The following MYO18A variants were observed in gnomAD, a reference collection of about 807,000 sequenced individuals.
MYO18A encodes myosin XVIIIA.
In MYO18A, 78 loss-of-function variants were observed where a neutral mutation model predicts 235.8. The observed-to-expected ratio is 0.33, with a 90% CI of 0.28 to 0.40. The LOEUF (loss-of-function observed/expected upper bound fraction) is 0.40. MYO18A is among the 10% of genes least tolerant of loss of function. The pLI is 1.00. For synonymous variants in MYO18A, 977 were observed against 1,077.8 expected, an observed-to-expected ratio of 0.91 and a Z score of 1.83; for missense variants, 2,215 against 2,699.3, an observed-to-expected ratio of 0.82 and a Z score of 3.98.
intron 2 of MYO18A, 63 bp downstream of exon 2, chr17:29,165,879 T>C: frequency 6.8e-7 from 1 of 1,478,222 alleles, no homozygotes; most frequent in East Asian, 2.3e-5. Context: ...GATTACCCAG[T>C]CAAGCAGGAG....
chr17:29,166,714 A>G lies in MYO18A; in HGVS notation c.227T>C (p.Leu76Pro). 3.1e-6 allele frequency: 5 copies of G among 1,613,876 alleles called. No individual in the cohort carries two copies. The highest frequency in any genetic ancestry group is 4.2e-6 in the Non-Finnish European group (5 of 1,179,892). ...ATCGGAGTCAATGTCAGTCAGGTGC[A>G]GGTCAGAGCCGCTGGCCACCTTGAT... Reference protein sequence around the residue: ...IPIKVASGSDLHLTDIDSDSN... With the variant: ...IPIKVASGSDPHLTDIDSDSN... Residue 76 changes from leucine to proline, a missense_variant, in exon 2 of 42, where the codon CTG (leucine) becomes CCG (proline). Transcript: ENST00000527372.
chr17:29,128,012 G>T (rs73988919), intron 2 of MYO18A: 538 of 1,002,136 alleles, frequency 5.4e-4, no homozygotes, highest in Non-Finnish European at 6.3e-4. Flanking sequence ...TTTCTCAGGG[G>T]AGTCTGCCCA....
intron 2 of MYO18A, among the ~76,000 whole-genome samples, chr17:29,145,641 T>C (rs573901454): frequency 1.2e-4 from 18 of 152,294 alleles, no homozygotes; most frequent in African/African-American, 4.3e-4. Flanking sequence ...CACTGGGCCC[T>C]GCTCAGAGAC....
chr17:29,084,217 G>GT (rs2066195106), intron 40 of MYO18A, among the ~76,000 whole-genome samples: 1 of 152,160 alleles, frequency 6.6e-6, no homozygotes, highest in Non-Finnish European at 1.5e-5. Flanking sequence ...GTGTACCTGT[G>GT]TGTGTGCATG....
chr17:29,153,887 C>T (rs2068007337), intron 2 of MYO18A, among the ~76,000 whole-genome samples: 1 of 152,144 alleles, frequency 6.6e-6, no homozygotes, highest in South Asian at 2.1e-4. Flanking sequence ...AGAAGAGAGA[C>T]CTCAAAATCA....
rs1427001577 is a variant in MYO18A, at chr17:29,163,576, C to T, written c.999+2366G>A. Among the ~76,000 whole-genome samples the T allele has an allele frequency of 8.5e-5, 13 of 152,324 alleles. No individual in the cohort carries two copies. The South Asian group carries it at 1.9e-3, about 22-fold the overall frequency. On this transcript the variant is annotated intron_variant, in intron 2 of 41. Coordinates refer to ENST00000527372, the MANE Select transcript of MYO18A (RefSeq NM_078471.4). ...GAGTGAGCCAGCATTTCAGGGATACCAGCTATAACTTGGAATCCACCAGGG... is the reference window on the plus strand; with the variant it reads ...GAGTGAGCCAGCATTTCAGGGATACTAGCTATAACTTGGAATCCACCAGGG...
chr17:29,130,299 CAAAAAAAAAA>C (rs564370108), intron 2 of MYO18A, among the ~76,000 whole-genome samples: 39 of 55,918 alleles, frequency 7.0e-4, no homozygotes, highest in African/African-American at 1.5e-3. Flanking sequence ...AACCCTGTCT[CAAAAAAAAAA>C]AAAAAAAAAA....
intron 2 of MYO18A, among the ~76,000 whole-genome samples, chr17:29,133,424 G>A (rs149490185): frequency 6.6e-5 from 10 of 152,286 alleles, no homozygotes; most frequent in African/African-American, 2.4e-4. Flanking sequence ...ACCCACTGCA[G>A]CCCCCAGGAT....
intron 26 of MYO18A, 69 bp from the exon 27 acceptor site, chr17:29,097,419 A>G: frequency 6.3e-7 from 1 of 1,576,776 alleles, no homozygotes; most frequent in Non-Finnish European, 8.6e-7. Context: ...GAGGGGAAGG[A>G]GGATGGGGCA....
At chr17:29,084,579 C>T (rs181116688) in intron 40 of MYO18A, among the ~76,000 whole-genome samples, 2 of 152,238 alleles carry the variant, frequency 1.3e-5, no homozygotes, top group Non-Finnish European at 2.9e-5. Context: ...TATTAGTTAA[C>T]GGGGAGCCGA....
intron 2 of MYO18A, chr17:29,129,180 A>T (rs2067400279): frequency 2.6e-6 from 3 of 1,164,856 alleles, no homozygotes; most frequent in Non-Finnish European, 3.4e-6. Flanking sequence ...CCTCCTCCTC[A>T]CAGCGTCCCT....
chr17:29,143,402 GT>G lies in MYO18A; in HGVS notation c.1000-21150del, dbSNP rs532615100. Among the ~76,000 whole-genome samples, 1,125 of 121,530 alleles carry G rather than the reference GT, an allele frequency of 9.3e-3. 6 individuals carry two copies. Among genetic ancestry groups the G allele is most frequent in the African/African-American group, 0.03 (899 of 29,956 alleles). 79.7% of individuals were successfully genotyped at this position (121,530 alleles called of 152,430 possible). On this transcript the variant is annotated intron_variant, in intron 2 of 41. Transcript: ENST00000527372. Reference sequence around the variant, plus strand: ...CATGCACCACCGTGCCACCATGTAGGTTTTTTTTTTTTTTTTTTTTGCACAG... The same window carrying G: ...CATGCACCACCGTGCCACCATGTAGGTTTTTTTTTTTTTTTTTTTGCACAG...
chr17:29,079,003 T>G (rs981114942), intron 41 of MYO18A: 1 of 152,390 alleles, frequency 6.6e-6, no homozygotes, highest in Non-Finnish European at 1.5e-5. Flanking sequence ...GCTGTAGCCC[T>G]GGGAGCCTTG....
chr17:29,086,507 C>T lies in MYO18A; in HGVS notation c.5783G>A (p.Arg1928His), dbSNP rs935671060. Reference protein sequence around the residue: ...LQADLKLAFKRIGDLQAAIED... With the variant: ...LQADLKLAFKHIGDLQAAIED... ...AATGGCAGCCTGCAGGTCCCCGATG[C>T]GCTTGAATGCCAACTTTAGGTCAGC... The change falls in exon 39 of 42, where the codon CGC (arginine) becomes CAC (histidine). Residue 1928 changes from arginine to histidine, a missense_variant. By Grantham distance (29) the Arg-to-His change is conservative. Coordinates refer to ENST00000527372, the MANE Select transcript of MYO18A (RefSeq NM_078471.4). 2.5e-6 allele frequency: 4 copies of T among 1,611,962 alleles called. No individual in the cohort carries two copies. Among genetic ancestry groups the T allele is most frequent in the Non-Finnish European group, 1.7e-6 (2 of 1,179,172 alleles).
At chr17:29,094,192 A>G in intron 30 of MYO18A, 102 bp from the exon 31 acceptor site, 1 of 795,052 alleles carries the variant, frequency 1.3e-6, no homozygotes, top group Non-Finnish European at 2.0e-6. Context: ...GAGAACGTCC[A>G]CCAGCCAGTT....
intron 2 of MYO18A, among the ~76,000 whole-genome samples, chr17:29,163,130 C>T (rs2068209423): frequency 6.6e-6 from 1 of 152,232 alleles, no homozygotes; most frequent in Admixed American, 6.5e-5. Flanking sequence ...TGTGGGGCTA[C>T]AGTCATCAGG....
chr17:29,138,330 G>A (rs57953044), intron 2 of MYO18A, among the ~76,000 whole-genome samples: 3,030 of 151,822 alleles, frequency 0.02, 86 homozygotes, highest in African/African-American at 0.067. Context: ...TCACTTTCCC[G>A]CCTCGCCGCT....
rs950114723 is a variant in MYO18A, at chr17:29,117,428, C to A, written c.2038+617G>T. On this transcript the variant is annotated intron_variant, in intron 10 of 41. Coordinates refer to ENST00000527372, the MANE Select transcript of MYO18A (RefSeq NM_078471.4). The surrounding 1 kb of genome is among the most constrained non-coding windows in gnomAD (Gnocchi z 4.6). The stretch of plus-strand genomic sequence containing the variant: ...GTCTGGGGAGGCCCCAGGTAGCAAG[C>A]CCACCCTACCCCACCCCACGGTGGG... Among the ~76,000 whole-genome samples the A allele has an allele frequency of 6.6e-6, 1 of 152,112 alleles. No homozygotes were observed. Among genetic ancestry groups the A allele is most frequent in the Non-Finnish European group, 1.5e-5 (1 of 68,012 alleles).
Position 29,115,356 on chromosome 17 carries a change from C to A in MYO18A, c.2313G>T (p.Val771=). ...GGGTCCTGCCTGGCACTCACCTATT[C>A]ACCAGGGAGACGAGAAGGGTGAAGA... ...SELFTLLVSL[V]NRALKSSQHS... is the part of the protein sequence containing the mutation. The change falls in exon 13 of 42, where the codon GTG becomes GTT. Residue 771 remains valine (V), a synonymous_variant. Transcript: ENST00000527372. 2 of 1,613,926 alleles carry A rather than the reference C, an allele frequency of 1.2e-6. No homozygotes were observed. Among genetic ancestry groups the A allele is most frequent in the Non-Finnish European group, 1.7e-6 (2 of 1,179,852 alleles).
Sources: gnomAD v4.1 joint callset for allele counts (sites outside exome capture counted in the v4.1 genomes callset) on GRCh38, gnomAD v4.1.1 for gene constraint, Gnocchi (gnomAD v3.1) non-coding constraint, MANE v1.5 for transcripts, NCBI Gene and HGNC (gene_info 2026-07-23, HGNC 2026-07-21) for gene names.